The following PDE4D variants were observed in gnomAD, a reference collection of about 807,000 sequenced individuals.
PDE4D encodes 3',5'-cyclic-AMP phosphodiesterase 4D.
Under a neutral mutation model 87.4 loss-of-function variants are expected in PDE4D, and 24 were observed. The ratio of observed to expected loss-of-function variants is 0.27; its 90% CI spans 0.20 to 0.39. The LOEUF is 0.39. PDE4D is among the 10% of genes least tolerant of loss of function. The pLI is 1.00. For synonymous variants in PDE4D, 384 were observed against 383.2 expected, an observed-to-expected ratio of 1.00 and a Z score of -0.02; for missense variants, 714 against 1,041.0, an observed-to-expected ratio of 0.69 and a Z score of 4.32.
At position 59,905,738 on chromosome 5, in the gene PDE4D, T is replaced by A. The variant is rs374601884; in HGVS notation, c.272+82750A>T. 5.3e-5 allele frequency among the ~76,000 whole-genome samples: 8 copies of A among 152,282 alleles called. No individual in the cohort carries two copies. The East Asian group carries it at 7.7e-4, about 15-fold the overall frequency. The stretch of plus-strand genomic sequence containing the variant: ...GCATGTATACCTAAGTATACACGCA[T>A]ATATACATTATTATATTCCATATAT... On this transcript the variant is annotated intron_variant, in intron 3 of 16. Transcript: ENST00000502484.
intron 2 of PDE4D, among the ~76,000 whole-genome samples, chr5:59,198,674 CT>C (rs1192566914): frequency 6.6e-6 from 1 of 151,856 alleles, no homozygotes; most frequent in Non-Finnish European, 1.5e-5. Context: ...ATACTATTGT[CT>C]TTTTTTTTCT....
chr5:60,018,588 G>A (rs946345793), intron 2 of PDE4D, among the ~76,000 whole-genome samples: 13 of 152,126 alleles, frequency 8.5e-5, no homozygotes, highest in African/African-American at 3.1e-4. Flanking sequence ...CTGTATTCAA[G>A]GGACTCATCT....
intron 1 of PDE4D, among the ~76,000 whole-genome samples, chr5:59,321,727 A>T (rs928135809): frequency 2.6e-5 from 4 of 152,144 alleles, no homozygotes; most frequent in African/African-American, 9.6e-5. Context: ...CACAGAAGCC[A>T]CAGAATGAAA....
intron 1 of PDE4D, among the ~76,000 whole-genome samples, chr5:59,271,388 T>C (rs977075551): frequency 2.6e-5 from 4 of 152,150 alleles, no homozygotes; most frequent in African/African-American, 4.8e-5. Context: ...AGTACAGAAA[T>C]AGTATTTACA....
At chr5:59,479,724 A>C (rs1803926737) in intron 1 of PDE4D, among the ~76,000 whole-genome samples, 1 of 152,130 alleles carries the variant, frequency 6.6e-6, no homozygotes, top group South Asian at 2.1e-4. Flanking sequence ...ACATATGCCG[A>C]GTGGTAAAAT....
At chr5:60,150,980 G>C (rs537665788) in intron 2 of PDE4D, among the ~76,000 whole-genome samples, 1 of 152,210 alleles carries the variant, frequency 6.6e-6, no homozygotes, top group African/African-American at 2.4e-5. Context: ...GACAAAAATA[G>C]AACCTATGTT....
chr5:60,070,559 T>G (rs533185189), intron 2 of PDE4D, among the ~76,000 whole-genome samples: 1 of 152,070 alleles, frequency 6.6e-6, no homozygotes, highest in Non-Finnish European at 1.5e-5. Context: ...GGTCATGGTG[T>G]ATAATCCCCT....
chr5:60,447,975 T>G (rs1745787622), intron 1 of PDE4D, among the ~76,000 whole-genome samples: 1 of 151,780 alleles, frequency 6.6e-6, no homozygotes, highest in Non-Finnish European at 1.5e-5. Flanking sequence ...ATTATTTGGG[T>G]TGGGTTTTCT....
At chr5:60,190,806 A>AG (rs1785140773) in intron 1 of PDE4D, among the ~76,000 whole-genome samples, 1 of 152,178 alleles carries the variant, frequency 6.6e-6, no homozygotes, top group Non-Finnish European at 1.5e-5. Context: ...AGTGCAATCT[A>AG]CCTGTAACCA....
chr5:59,132,692 A>G (rs1381460492), intron 5 of PDE4D, among the ~76,000 whole-genome samples: 2 of 152,330 alleles, frequency 1.3e-5, no homozygotes, highest in Admixed American at 1.3e-4. Context: ...ATAGGACTTC[A>G]TGGCCTTTAA....
At chr5:59,238,599 A>G (rs1342996959) in intron 1 of PDE4D, among the ~76,000 whole-genome samples, 1 of 152,162 alleles carries the variant, frequency 6.6e-6, no homozygotes, top group Non-Finnish European at 1.5e-5. Context: ...GCCTTTCCCC[A>G]GCCCTACTAT....
chr5:59,814,597 G>A (rs1418044147), intron 1 of PDE4D, among the ~76,000 whole-genome samples: 1 of 152,178 alleles, frequency 6.6e-6, no homozygotes, highest in Non-Finnish European at 1.5e-5. Context: ...AACCTTGCAG[G>A]GGAGGACATA....
chr5:59,213,231 C>T (rs1404539686), intron 2 of PDE4D, among the ~76,000 whole-genome samples: 1 of 151,080 alleles, frequency 6.6e-6, no homozygotes, highest in African/African-American at 2.4e-5. Flanking sequence ...GTGGCATGAT[C>T]GTAGCTCACT....
intron 11 of PDE4D, among the ~76,000 whole-genome samples, chr5:58,980,469 T>C (rs569491022): frequency 6.6e-6 from 1 of 152,290 alleles, no homozygotes; most frequent in East Asian, 1.9e-4. Context: ...TGGCACACAT[T>C]TATAAAGACA....
At chr5:60,041,569 G>A (rs1768483687) in intron 2 of PDE4D, among the ~76,000 whole-genome samples, 1 of 152,182 alleles carries the variant, frequency 6.6e-6, no homozygotes, top group Non-Finnish European at 1.5e-5. Flanking sequence ...AATGCAGAAG[G>A]CAGGTGATTT....
At chr5:60,304,990 A>AAT (rs141960833) in intron 1 of PDE4D, among the ~76,000 whole-genome samples, 2,064 of 149,088 alleles carry the variant, frequency 0.014, 64 homozygotes, top group East Asian at 0.13. Context: ...AAAATTGAGT[A>AAT]ATATATATAT....
At chr5:60,373,520 A>G (rs901985834) in intron 1 of PDE4D, among the ~76,000 whole-genome samples, 4 of 152,204 alleles carry the variant, frequency 2.6e-5, no homozygotes, top group Non-Finnish European at 5.9e-5. Flanking sequence ...AAAATGTTTA[A>G]TATCACTTAT....
At chr5:59,696,309 A>C (rs1408093484) in intron 1 of PDE4D, among the ~76,000 whole-genome samples, 1 of 152,224 alleles carries the variant, frequency 6.6e-6, no homozygotes, top group Non-Finnish European at 1.5e-5. Flanking sequence ...TTCATTCATA[A>C]TTTCATTTAA....
At chr5:59,742,192 T>C (rs1449563823) in intron 1 of PDE4D, among the ~76,000 whole-genome samples, 2 of 152,072 alleles carry the variant, frequency 1.3e-5, no homozygotes, top group Non-Finnish European at 2.9e-5. Context: ...GCCTCCTGAG[T>C]AGCTGGGATT....
Sources: allele counts gnomAD v4.1 joint callset (sites outside exome capture counted in the v4.1 genomes callset), GRCh38; gene constraint gnomAD v4.1.1; transcripts MANE v1.5; gene names NCBI Gene and HGNC (gene_info 2026-07-23, HGNC 2026-07-21).